Variants in ANKRD44 observed in about 807,000 individuals in gnomAD.
ANKRD44 encodes the protein ankyrin repeat domain 44.
Under a neutral mutation model 116.0 loss-of-function variants are expected in ANKRD44, and 35 were observed. The observed-to-expected ratio is 0.30, with a 90% CI of 0.23 to 0.40. ANKRD44 has a LOEUF of 0.40. Among genes scored for constraint, ANKRD44 ranks in the 10% least tolerant of loss-of-function variants. The pLI is 1.00. For synonymous variants in ANKRD44, 435 were observed against 461.8 expected, an observed-to-expected ratio of 0.94 and a Z score of 0.74; for missense variants, 1,014 against 1,242.6, an observed-to-expected ratio of 0.82 and a Z score of 2.77.
At chr2:197,290,529 T>C (rs1339803763) in intron 1 of ANKRD44, among the ~76,000 whole-genome samples, 1 of 152,190 alleles carries the variant, frequency 6.6e-6, no homozygotes, top group Admixed American at 6.5e-5. Context: ...TTTAACTCCC[T>C]CTGTATCATC....
Position 197,025,227 on chromosome 2 carries a change from G to A in ANKRD44, c.1691C>T (p.Ser564Phe), listed in dbSNP as rs1168074342. 2 of 1,612,582 alleles carry A rather than the reference G, an allele frequency of 1.2e-6. No homozygotes were observed. The highest frequency in any genetic ancestry group is 2.2e-5 in the East Asian group (1 of 44,900). Residue 564 changes from serine to phenylalanine, a missense_variant, in exon 17 of 28, where the codon TCT becomes TTT. Ser to Phe is a radical substitution (Grantham distance 155). Transcript: ENST00000282272. Reference sequence around the variant, plus strand: ...GTGGAGTGGACTCTTAGTAGCACCAGAATCTGATTCTTCAAATCCACTGTT... The same window carrying A: ...GTGGAGTGGACTCTTAGTAGCACCAAAATCTGATTCTTCAAATCCACTGTT... ...RTNSGFEESD[S>F]GATKSPLHLA...
chr2:197,184,639 CAAAAAAAAAA>C (rs3057744), intron 2 of ANKRD44, among the ~76,000 whole-genome samples: 1 of 92,324 alleles, frequency 1.1e-5, no homozygotes, highest in Non-Finnish European at 2.3e-5. Flanking sequence ...GACTCCATCT[CAAAAAAAAAA>C]AAAAAAAAAA....
intron 21 of ANKRD44, among the ~76,000 whole-genome samples, chr2:196,971,753 C>T (rs146040302): frequency 6.6e-6 from 1 of 152,246 alleles, no homozygotes; most frequent in East Asian, 1.9e-4. Context: ...AGACCTGGGC[C>T]CCCTGCTAGA....
intron 2 of ANKRD44, among the ~76,000 whole-genome samples, chr2:197,154,431 G>A (rs1399854378): frequency 6.6e-6 from 1 of 151,804 alleles, no homozygotes; most frequent in African/African-American, 2.4e-5. Context: ...CGCCCGCCTC[G>A]GCCTCCCAAA....
chr2:197,208,738 T>C (rs1429108516), intron 1 of ANKRD44, among the ~76,000 whole-genome samples: 3 of 151,954 alleles, frequency 2.0e-5, no homozygotes, highest in African/African-American at 7.3e-5. Context: ...AGGCAGAGCT[T>C]GCAGTGAGCC....
At chr2:197,152,845 C>A (rs2079689170) in intron 2 of ANKRD44, among the ~76,000 whole-genome samples, 1 of 152,108 alleles carries the variant, frequency 6.6e-6, no homozygotes, top group African/African-American at 2.4e-5. Context: ...AACAAACATT[C>A]CACCCTGTAT....
chr2:197,078,400 C>T (rs1559044525), intron 16 of ANKRD44: 1 of 526,408 alleles, frequency 1.9e-6, no homozygotes, highest in Non-Finnish European at 3.0e-6. Flanking sequence ...TAGGTCTATA[C>T]CAACTTCCAT....
chr2:197,273,379 G>A (rs1299644057), intron 1 of ANKRD44, among the ~76,000 whole-genome samples: 3 of 152,176 alleles, frequency 2.0e-5, no homozygotes, highest in African/African-American at 7.2e-5. Flanking sequence ...AGGTCAATGA[G>A]CATATTAAAA....
rs865914935 is a variant in ANKRD44, at chr2:197,310,733, C to G, written c.-129G>C. On this transcript the variant is annotated 5_prime_UTR_variant, in exon 1 of 28. Coordinates refer to ENST00000282272, the MANE Select transcript of ANKRD44 (RefSeq NM_001195144.2). ...TGGCTCCCGAATTTGACAGCCCTCC[C>G]CCTGCTCCTCCTCCGCCGCCGCCTC... The G allele has an allele frequency of 2.1e-6, 2 of 950,992 alleles. No homozygotes were observed. Among genetic ancestry groups the G allele is most frequent in the East Asian group, 1.2e-4 (2 of 16,296 alleles). The allele number at this position is 950,992 out of a possible 1,614,324, so 58.9% of individuals were successfully genotyped here.
intron 3 of ANKRD44, among the ~76,000 whole-genome samples, chr2:197,139,318 T>C (rs2079299652): frequency 6.6e-6 from 1 of 152,194 alleles, no homozygotes; most frequent in Admixed American, 6.5e-5. Flanking sequence ...TACAATGGAA[T>C]TCTACACTGT....
intron 8 of ANKRD44, among the ~76,000 whole-genome samples, chr2:197,119,860 C>T (rs1165061630): frequency 6.6e-6 from 1 of 152,132 alleles, no homozygotes; most frequent in Non-Finnish European, 1.5e-5. Context: ...CAAGTGATGT[C>T]GCCCAAATTA....
intron 1 of ANKRD44, among the ~76,000 whole-genome samples, chr2:197,241,775 A>C (rs1186332071): frequency 1.3e-5 from 2 of 152,160 alleles, no homozygotes; most frequent in Admixed American, 6.5e-5. Context: ...TAACATGAGA[A>C]TAAAAAGGAA....
At chr2:197,019,806 T>TC (rs1197751518) in intron 17 of ANKRD44, among the ~76,000 whole-genome samples, 3 of 151,834 alleles carry the variant, frequency 2.0e-5, no homozygotes, top group African/African-American at 7.3e-5. Flanking sequence ...TTCTTTCTTT[T>TC]TTTTTTTTGA....
intron 1 of ANKRD44, among the ~76,000 whole-genome samples, chr2:197,274,971 A>G (rs2083031199): frequency 6.7e-6 from 1 of 150,288 alleles, no homozygotes; most frequent in Non-Finnish European, 1.5e-5. Flanking sequence ...GTGTGGTGGC[A>G]TGCACCTGTA....
At chr2:197,219,144 G>A (rs1215486648) in intron 1 of ANKRD44, among the ~76,000 whole-genome samples, 5 of 146,246 alleles carry the variant, frequency 3.4e-5, no homozygotes, top group African/African-American at 7.7e-5. Context: ...ATCTCAGCTC[G>A]CTGCAACCTC....
chr2:197,211,657 G>T (rs1287377050), intron 1 of ANKRD44, among the ~76,000 whole-genome samples: 1 of 151,908 alleles, frequency 6.6e-6, no homozygotes, highest in Non-Finnish European at 1.5e-5. Context: ...ATTTCTCAGG[G>T]GTACCACCTC....
chr2:197,236,901 G>A (rs1313611203), intron 1 of ANKRD44, among the ~76,000 whole-genome samples: 1 of 152,118 alleles, frequency 6.6e-6, no homozygotes, highest in African/African-American at 2.4e-5. Context: ...AGTGGCAAAG[G>A]CATATCTGCC....
At chr2:197,237,029 T>C (rs2081993150) in intron 1 of ANKRD44, among the ~76,000 whole-genome samples, 1 of 152,210 alleles carries the variant, frequency 6.6e-6, no homozygotes, top group South Asian at 2.1e-4. Flanking sequence ...CGGGGAGAGA[T>C]GGCAATGGTG....
At chr2:197,225,644 A>C (rs2081691934) in intron 1 of ANKRD44, among the ~76,000 whole-genome samples, 1 of 152,120 alleles carries the variant, frequency 6.6e-6, no homozygotes, top group South Asian at 2.1e-4. Context: ...ACGCCTGGCC[A>C]ATCTGCACTG....
Sources: gnomAD v4.1 joint callset for allele counts (sites outside exome capture counted in the v4.1 genomes callset) on GRCh38, gnomAD v4.1.1 for gene constraint, MANE v1.5 for transcripts, NCBI Gene and HGNC (gene_info 2026-07-23, HGNC 2026-07-21) for gene names.